Variants in COPS7B observed in about 807,000 individuals in gnomAD.
COPS7B encodes the protein COP9 signalosome complex subunit 7b.
Under a neutral mutation model 33.4 loss-of-function variants are expected in COPS7B, and 9 were observed. The ratio of observed to expected loss-of-function variants is 0.27; its 90% CI spans 0.16 to 0.47. COPS7B has a LOEUF of 0.47. Ranked by LOEUF, COPS7B falls within the 20% of genes least tolerant of loss-of-function variation. COPS7B has a pLI of 0.99. For synonymous variants in COPS7B, 119 were observed against 126.3 expected (o/e 0.94, Z 0.39); for missense variants, 242 against 318.2 (o/e 0.76, Z 1.82).
In COPS7B at chr2:231,796,326, AG is replaced by A. The variant is rs1559364949; in HGVS notation, c.530+23del. 5.6e-6 allele frequency: 9 copies of A among 1,608,728 alleles called. No homozygotes were observed. In the Middle Eastern group the frequency reaches 7.3e-4, roughly 131 times the overall value. ...CATGAATGGTGAGGCTAAAAGGAGG[AG>A]GGGGATATCTAGCATGTCTTTTGTG... On this transcript the variant is annotated intron_variant, in intron 5 of 6. Transcript: ENST00000350033.
intron 1 of COPS7B, among the ~76,000 whole-genome samples, chr2:231,786,875 C>CGGAG (rs748645091): frequency 8.5e-5 from 13 of 152,356 alleles, no homozygotes; most frequent in East Asian, 7.7e-4. Context: ...TAGCCTCTGG[C>CGGAG]CCTCCCACTC....
upstream of COPS7B, among the ~76,000 whole-genome samples, chr2:231,785,126 T>G (rs894062845): frequency 6.6e-6 from 1 of 152,248 alleles, no homozygotes; most frequent in Non-Finnish European, 1.5e-5. Context: ...ATCTCTTATC[T>G]AGAATAAATC....
chr2:231,802,595 G>T (rs1281000932), intron 6 of COPS7B, among the ~76,000 whole-genome samples: 1 of 152,246 alleles, frequency 6.6e-6, no homozygotes, highest in Non-Finnish European at 1.5e-5. Context: ...TTAGGTAAAA[G>T]AAGACAAGTC....
intron 5 of COPS7B, among the ~76,000 whole-genome samples, chr2:231,798,422 A>G (rs1278646073): frequency 6.6e-6 from 1 of 151,284 alleles, no homozygotes; most frequent in African/African-American, 2.4e-5. Flanking sequence ...ACACCTGGCT[A>G]ATTTTTGTAT....
chr2:231,794,242 G>C (rs771466092), intron 3 of COPS7B, 21 bp from the exon 4 acceptor site: 1 of 1,597,948 alleles, frequency 6.3e-7, no homozygotes, highest in South Asian at 1.1e-5. Context: ...CTTGATTTTT[G>C]TGGTGGGTGG....
chr2:231,799,077 A>C (rs1387926669), intron 6 of COPS7B, 113 bp downstream of exon 6: 1 of 886,232 alleles, frequency 1.1e-6, no homozygotes, highest in African/African-American at 1.7e-5. Flanking sequence ...AGCAGTCACC[A>C]ACAAGTGGGC....
intron 6 of COPS7B, among the ~76,000 whole-genome samples, chr2:231,803,152 G>C (rs1212156191): frequency 6.6e-6 from 1 of 152,220 alleles, no homozygotes; most frequent in African/African-American, 2.4e-5. Flanking sequence ...ATCGAAGAGG[G>C]AGAGGCACTG....
At chr2:231,798,254 C>CTTTTTCTTTTTTT (rs1246476492) in intron 5 of COPS7B, among the ~76,000 whole-genome samples, 5 of 116,750 alleles carry the variant, frequency 4.3e-5, no homozygotes, top group African/African-American at 1.7e-4. Flanking sequence ...ATTCTACCTT[C>CTTTTTCTTTTTTT]TTTTTTTTTT....
chr2:231,794,465 A>T (rs1009631467), intron 4 of COPS7B, 114 bp downstream of exon 4: 1 of 792,544 alleles, frequency 1.3e-6, no homozygotes, highest in Middle Eastern at 2.6e-4. Flanking sequence ...AAATGCATAA[A>T]ATTTGCTTGA....
upstream of COPS7B, chr2:231,781,940 G>T (rs766313821): frequency 2.7e-6 from 4 of 1,498,264 alleles, no homozygotes; most frequent in Admixed American, 8.0e-5. Flanking sequence ...AGAACAAAAT[G>T]ACTTCTTCAA....
At chr2:231,805,309 C>T (rs998848026) in intron 6 of COPS7B, among the ~76,000 whole-genome samples, 8 of 151,876 alleles carry the variant, frequency 5.3e-5, no homozygotes, top group African/African-American at 9.7e-5. Context: ...GGCAGTGAGC[C>T]GCTGGGAGGG....
chr2:231,787,993 G>A (rs963359163), intron 1 of COPS7B, among the ~76,000 whole-genome samples: 1 of 152,204 alleles, frequency 6.6e-6, no homozygotes, highest in African/African-American at 2.4e-5. Context: ...AGAAGGTGTT[G>A]CCTCTGGAGG....
At position 231,796,055 on chromosome 2, in the gene COPS7B, G is replaced by A. The variant is rs59929623; in HGVS notation, c.328-51G>A. ...CTATGGGAGTAATACCTGCATTTTC[G>A]CTAATGCTTGCCAGATGGTTTTTAT... is the stretch of plus-strand genomic sequence containing the variant. On this transcript the variant is annotated intron_variant, in intron 4 of 6. Coordinates refer to ENST00000350033, the MANE Select transcript of COPS7B (RefSeq NM_022730.4). 438 of 1,538,258 alleles carry A rather than the reference G, an allele frequency of 2.8e-4. 3 individuals are homozygous for A. In the East Asian group the frequency reaches 8.5e-3, roughly 30 times the overall value.
rs777438775 is a variant in COPS7B at position 231,796,087 on chromosome 2, C to A, written c.328-19C>A. 1 of 1,607,540 alleles carries A rather than the reference C, an allele frequency of 6.2e-7. No homozygotes were observed. Among genetic ancestry groups the A allele is most frequent in the Non-Finnish European group, 8.5e-7 (1 of 1,174,256 alleles). ...CTTGCCAGATGGTTTTTATAATGAT[C>A]ACATGGCCTTATCTACAGTGTATCC... On this transcript the variant is annotated intron_variant, in intron 4 of 6. Transcript: ENST00000350033.
Position 231,794,256 on chromosome 2 carries a change from T to C in COPS7B, c.239-7T>C. 6.2e-7 allele frequency: 1 copy of C among 1,612,664 alleles called. No homozygotes were observed. Among genetic ancestry groups the C allele is most frequent in the Non-Finnish European group, 8.5e-7 (1 of 1,178,780 alleles). On this transcript the variant is annotated splice_polypyrimidine_tract_variant and splice_region_variant and intron_variant, in intron 3 of 6. Coordinates refer to ENST00000350033, the MANE Select transcript of COPS7B (RefSeq NM_022730.4). ...TCTTGATTTTTGTGGTGGGTGGGACTGAGCAGCCAACAAGGAGAGCCTGCC... is the reference window on the plus strand; with the variant it reads ...TCTTGATTTTTGTGGTGGGTGGGACCGAGCAGCCAACAAGGAGAGCCTGCC...
intron 2 of COPS7B, 134 bp from the exon 3 acceptor site, chr2:231,791,598 CA>C: frequency 7.4e-6 from 5 of 675,532 alleles, no homozygotes; most frequent in Non-Finnish European, 1.3e-5. Flanking sequence ...GTAGAGACCC[CA>C]GGGGCCAAGT....
upstream of COPS7B, chr2:231,781,811 C>T: frequency 1.3e-6 from 2 of 1,550,046 alleles, no homozygotes; most frequent in Non-Finnish European, 1.7e-6. Context: ...ACCCTTCTCA[C>T]CCTCAAAAGA....
intron 1 of COPS7B, among the ~76,000 whole-genome samples, chr2:231,788,136 GTT>G (rs576680336): frequency 0.015 from 1,748 of 114,120 alleles, 21 homozygotes; most frequent in African/African-American, 0.061. Flanking sequence ...CTCAGGAACT[GTT>G]TTTTTTTTTT....
At chr2:231,798,254 CTTT>C (rs532747492) in intron 5 of COPS7B, among the ~76,000 whole-genome samples, 32 of 116,718 alleles carry the variant, frequency 2.7e-4, no homozygotes, top group Non-Finnish European at 2.3e-4. Context: ...ATTCTACCTT[CTTT>C]TTTTTTTTTT....
Sources: allele counts gnomAD v4.1 joint callset (sites outside exome capture counted in the v4.1 genomes callset), GRCh38; gene constraint gnomAD v4.1.1; transcripts MANE v1.5; gene names NCBI Gene and HGNC (gene_info 2026-07-23, HGNC 2026-07-21).